Variants in CD109 observed in about 807,000 individuals in gnomAD.
CD109 encodes the protein CD109 molecule.
In CD109, 149 loss-of-function variants were observed where a neutral mutation model predicts 165.8. The ratio of observed to expected loss-of-function variants is 0.90; its 90% CI spans 0.79 to 1.03. CD109 has a LOEUF of 1.03. CD109 is among the 50% of genes least tolerant of loss of function. CD109 has a pLI of 0.00. For synonymous variants in CD109, 585 were observed against 592.1 expected (o/e 0.99, Z 0.18); for missense variants, 1,712 against 1,677.8 (o/e 1.02, Z -0.36).
intron 30 of CD109, among the ~76,000 whole-genome samples, chr6:73,815,651 G>A (rs1775911715): frequency 6.6e-6 from 1 of 152,070 alleles, no homozygotes; most frequent in South Asian, 2.1e-4. Context: ...GCTTCTGGGA[G>A]TACTTTTTAA....
Position 73,771,415 on chromosome 6 carries a change from T to C in CD109, c.1675-14T>C. 1.3e-6 allele frequency: 2 copies of C among 1,594,454 alleles called. No individual in the cohort carries two copies. The highest frequency in any genetic ancestry group is 1.7e-6 in the Non-Finnish European group (2 of 1,172,532). ...AAAGTGAAATAAGTTAATCCTCCTT[T>C]CTCTCTTTTTTAGATAAAGCTATAT... On this transcript the variant is annotated splice_polypyrimidine_tract_variant and intron_variant, in intron 14 of 32. Coordinates refer to ENST00000287097, the MANE Select transcript of CD109 (RefSeq NM_133493.5).
chr6:73,764,391 G>A (rs775301626), intron 10 of CD109, among the ~76,000 whole-genome samples: 27 of 152,372 alleles, frequency 1.8e-4, no homozygotes, highest in Non-Finnish European at 3.7e-4. Flanking sequence ...CCCTGCCATT[G>A]TAGTGTGAAA....
intron 24 of CD109, 106 bp from the exon 25 acceptor site, chr6:73,806,738 A>G: frequency 2.7e-6 from 2 of 731,954 alleles, no homozygotes; most frequent in Non-Finnish European, 2.2e-6. Flanking sequence ...TCCCCCTTTG[A>G]TGAATCTTCT....
Position 73,818,499 on chromosome 6 carries a change from A to C in CD109, c.4023A>C (p.Glu1341Asp). The C allele has an allele frequency of 6.2e-7, 1 of 1,613,316 alleles. No homozygotes were observed. The change falls in exon 31 of 33, where the codon GAA becomes GAC. Residue 1341 changes from glutamate (E) to aspartate (D), a missense_variant. Transcript: ENST00000287097. ...TGAGCGAGACAGTGAAGAAAGTGGA[A>C]TATGATCATGGAAAACTCAACCTCT... ...ISLSETVKKV[E>D]YDHGKLNLYL...
chr6:73,765,302 A>T (rs1773792295), intron 10 of CD109, among the ~76,000 whole-genome samples: 1 of 149,350 alleles, frequency 6.7e-6, no homozygotes, highest in Non-Finnish European at 1.5e-5. Flanking sequence ...GGGAGTGGAG[A>T]GGATGGAAGA....
intron 2 of CD109, among the ~76,000 whole-genome samples, chr6:73,715,148 T>C (rs2150159965): frequency 6.6e-6 from 1 of 152,208 alleles, no homozygotes; most frequent in Admixed American, 6.5e-5. Context: ...TAGTCCCAGC[T>C]ACATGGGAGG....
upstream of CD109, among the ~76,000 whole-genome samples, chr6:73,693,595 G>T (rs753165221): frequency 2.6e-5 from 4 of 152,202 alleles, no homozygotes; most frequent in Non-Finnish European, 5.9e-5. Context: ...CTGTCACCCA[G>T]ACTGGAGTGC....
At chr6:73,798,424 T>A (rs908837025) in intron 23 of CD109, among the ~76,000 whole-genome samples, 3 of 152,090 alleles carry the variant, frequency 2.0e-5, no homozygotes, top group African/African-American at 7.2e-5. Flanking sequence ...CCTGTTTTGT[T>A]TATGGGATGG....
intron 10 of CD109, among the ~76,000 whole-genome samples, chr6:73,765,709 G>C (rs949317229): frequency 2.0e-5 from 3 of 152,032 alleles, no homozygotes; most frequent in Admixed American, 2.0e-4. Flanking sequence ...GAAGTGAAGG[G>C]GGTTATTTTG....
chr6:73,714,688 T>C (rs987362791), intron 2 of CD109, among the ~76,000 whole-genome samples: 5 of 152,230 alleles, frequency 3.3e-5, no homozygotes, highest in Non-Finnish European at 5.9e-5. Flanking sequence ...TTATATCCTT[T>C]TCAGAGTTCT....
chr6:73,740,796 G>C (rs1227525324), intron 5 of CD109, among the ~76,000 whole-genome samples: 1 of 151,714 alleles, frequency 6.6e-6, no homozygotes. Context: ...TCATCATGTT[G>C]GCCAGGGTGG....
chr6:73,724,617 T>G (rs1219962530), intron 3 of CD109, among the ~76,000 whole-genome samples: 1 of 150,994 alleles, frequency 6.6e-6, no homozygotes, highest in East Asian at 2.0e-4. Flanking sequence ...CCTTAAATTT[T>G]TTTTTTTTTT....
intron 22 of CD109, among the ~76,000 whole-genome samples, chr6:73,790,032 G>T (rs1774862903): frequency 6.6e-6 from 1 of 151,028 alleles, no homozygotes; most frequent in African/African-American, 2.4e-5. Context: ...ATGGCACTCA[G>T]CCTTTCTTAG....
At chr6:73,701,896 C>T (rs1307541767) in intron 2 of CD109, among the ~76,000 whole-genome samples, 1 of 152,078 alleles carries the variant, frequency 6.6e-6, no homozygotes, top group Non-Finnish European at 1.5e-5. Flanking sequence ...GCCTGGACAA[C>T]ACAGTGAAAT....
chr6:73,698,281 GTAAATACT>G (rs1431255355), intron 2 of CD109, among the ~76,000 whole-genome samples: 6 of 152,082 alleles, frequency 3.9e-5, no homozygotes, highest in African/African-American at 1.4e-4. Flanking sequence ...GGAGGAAGAG[GTAAATACT>G]TAAATACTTA....
intron 20 of CD109, among the ~76,000 whole-genome samples, chr6:73,786,275 T>C (rs958191187): frequency 6.6e-6 from 1 of 152,192 alleles, no homozygotes; most frequent in Non-Finnish European, 1.5e-5. Context: ...CCACAGTATG[T>C]TAACCAAGTG....
chr6:73,811,010 A>G lies in CD109; in HGVS notation c.3565A>G (p.Lys1189Glu), dbSNP rs199640404. The G allele has an allele frequency of 1.4e-4, 229 of 1,613,076 alleles. 1 individual carries two copies. The highest frequency in any genetic ancestry group is 1.1e-3 in the Admixed American group (67 of 59,924). ...TCAACAGGATACCACTGTGGCTTTA[A>G]AGGCTCTGTCTGAATTTGCAGCCCT... Reference protein sequence around the residue: ...ASTQDTTVALKALSEFAALMN... With the variant: ...ASTQDTTVALEALSEFAALMN... The change falls in exon 28 of 33, where the codon AAG becomes GAG. Residue 1189 changes from lysine to glutamate, a missense_variant. Lys to Glu is a moderately conservative substitution (Grantham distance 56). Coordinates refer to ENST00000287097, the MANE Select transcript of CD109 (RefSeq NM_133493.5).
intron 2 of CD109, among the ~76,000 whole-genome samples, chr6:73,707,238 A>T (rs1771309061): frequency 6.6e-6 from 1 of 152,192 alleles, no homozygotes; most frequent in South Asian, 2.1e-4. Flanking sequence ...GAATGCTGCG[A>T]AGGATTCTGT....
At chr6:73,773,934 CTT>C (rs1259040026) in intron 15 of CD109, among the ~76,000 whole-genome samples, 2 of 152,020 alleles carry the variant, frequency 1.3e-5, no homozygotes, top group Admixed American at 1.3e-4. Flanking sequence ...TTTTCTATCT[CTT>C]TGTCTTTTCT....
Sources: allele counts gnomAD v4.1 joint callset (sites outside exome capture counted in the v4.1 genomes callset), GRCh38; gene constraint gnomAD v4.1.1; transcripts MANE v1.5; gene names NCBI Gene and HGNC (gene_info 2026-07-23, HGNC 2026-07-21).